Variants in EVC2 observed in about 807,000 individuals in gnomAD.
EVC2 encodes EvC ciliary complex subunit 2.
A neutral mutation model predicts 149.3 loss-of-function variants in EVC2; 148 were observed. The ratio of observed to expected loss-of-function variants is 0.99; its 90% CI spans 0.87 to 1.14. The LOEUF (loss-of-function observed/expected upper bound fraction) is 1.14, where lower values mean the gene tolerates loss of function less well. Ranked by LOEUF, EVC2 falls within the 50% of genes most tolerant of loss-of-function variation. The pLI is 0.00. For missense variants in EVC2, 1,854 were observed against 1,627.3 expected, an observed-to-expected ratio of 1.14 and a Z score of -2.40; for synonymous variants, 776 against 649.9, an observed-to-expected ratio of 1.19 and a Z score of -2.95.
At chr4:5,571,309 C>A (rs1722630575) in intron 19 of EVC2, among the ~76,000 whole-genome samples, 1 of 97,590 alleles carries the variant, frequency 1.0e-5, no homozygotes, top group South Asian at 5.1e-4. Context: ...CAGAGTGAGA[C>A]TCCATCTCAA....
intron 1 of EVC2, among the ~76,000 whole-genome samples, chr4:5,702,827 C>A (rs759715198): frequency 3.3e-5 from 5 of 152,194 alleles, no homozygotes; most frequent in African/African-American, 1.2e-4. Context: ...TGGACATCTT[C>A]ACCTCACCTG....
At position 5,584,782 on chromosome 4, in the gene EVC2, C is replaced by T. The variant is rs150055324; in HGVS notation, c.2898G>A (p.Ser966=). ...MEAQEGGFAQ[S]LVALQFQKAS... is the part of the protein sequence containing the mutation. ...CCTTCTGGAACTGCAGAGCAACAAG[C>T]GACTGTGCAAAGCCTCCCTCCTGTG... is the stretch of plus-strand genomic sequence containing the variant. Residue 966 remains serine, a synonymous_variant, in exon 17 of 22, where the codon TCG becomes TCA. Transcript: ENST00000344408. The T allele has an allele frequency of 7.5e-5, 121 of 1,614,142 alleles. No homozygotes were observed. The African/African-American group carries it at 9.5e-4, about 13-fold the overall frequency.
At chr4:5,700,841 G>A (rs540616314) in intron 1 of EVC2, among the ~76,000 whole-genome samples, 4 of 152,176 alleles carry the variant, frequency 2.6e-5, no homozygotes, top group East Asian at 1.9e-4. Context: ...CCACTCCAAC[G>A]TTCCACTTAA....
chr4:5,571,088 G>T (rs868757437), intron 19 of EVC2, among the ~76,000 whole-genome samples: 25 of 152,204 alleles, frequency 1.6e-4, no homozygotes, highest in African/African-American at 5.3e-4. Flanking sequence ...GGCTGAGGCG[G>T]GTGGACTGCC....
rs1010236684 is a variant in EVC2 at position 5,657,840 on chromosome 4, C to A, written c.1145+5267G>T. On this transcript the variant is annotated intron_variant, in intron 9 of 21. Transcript: ENST00000344408. The surrounding 1 kb of genome is among the most constrained non-coding windows in gnomAD (Gnocchi z 4.7). Reference sequence around the variant, plus strand: ...GGAGGCAGTGCTGCTGTAGGGAAGGCCCCTCACTGGCTCTGATGACTCTTC... The same window carrying A: ...GGAGGCAGTGCTGCTGTAGGGAAGGACCCTCACTGGCTCTGATGACTCTTC... Among the ~76,000 whole-genome samples, 13 of 151,974 alleles carry A rather than the reference C, an allele frequency of 8.6e-5. No homozygotes were observed. The highest frequency in any genetic ancestry group is 1.6e-4 in the Non-Finnish European group (11 of 68,008).
rs143186405 is a variant in EVC2, at chr4:5,630,844, G to A, written c.1710+949C>T. ...GCATTTCTCAAACATCTTATTGACA[G>A]TCGGAATAGAAAATTCCATAAAATA... On this transcript the variant is annotated intron_variant, in intron 11 of 21. Transcript: ENST00000344408. Among the ~76,000 whole-genome samples the A allele has an allele frequency of 2.9e-3, 436 of 152,326 alleles. 2 individuals carry two copies. The highest frequency in any genetic ancestry group is 9.7e-3 in the African/African-American group (402 of 41,564).
chr4:5,665,266 T>C (rs779009267), intron 8 of EVC2, among the ~76,000 whole-genome samples: 1 of 151,896 alleles, frequency 6.6e-6, no homozygotes, highest in Non-Finnish European at 1.5e-5. Context: ...TCTGTGATTG[T>C]GCCTAGGAAT....
chr4:5,569,823 G>A lies in EVC2; in HGVS notation c.3361-1183C>T, dbSNP rs968501000. ...TGGTAAGTGCTTTCAGTGAAGGCAC[G>A]AGGAAAGGTGCTGTTCCAAATACCA... On this transcript the variant is annotated intron_variant, in intron 19 of 21. Coordinates refer to ENST00000344408, the MANE Select transcript of EVC2 (RefSeq NM_147127.5). This position sits in a 1 kb window ranked among gnomAD's most constrained non-coding sequence, Gnocchi z 4.8. 2.0e-5 allele frequency among the ~76,000 whole-genome samples: 3 copies of A among 151,982 alleles called. No individual in the cohort carries two copies. The highest frequency in any genetic ancestry group is 4.4e-5 in the Non-Finnish European group (3 of 68,010).
chr4:5,656,409 A>C (rs1289800264), intron 9 of EVC2, among the ~76,000 whole-genome samples: 2 of 152,134 alleles, frequency 1.3e-5, no homozygotes, highest in Non-Finnish European at 2.9e-5. Flanking sequence ...ACTTCCACCC[A>C]AAGATTTCCA....
chr4:5,648,050 T>A (rs1371612164), intron 9 of EVC2, among the ~76,000 whole-genome samples: 1 of 152,176 alleles, frequency 6.6e-6, no homozygotes, highest in Non-Finnish European at 1.5e-5. Flanking sequence ...GTAACAGATG[T>A]ATACATTTTC....
chr4:5,615,446 C>T lies in EVC2; in HGVS notation c.2805G>A (p.Gln935=), dbSNP rs745801169. Residue 935 remains glutamine (Q), a synonymous_variant, in exon 16 of 22, where the codon CAG becomes CAA. Transcript: ENST00000344408. ...IEDKIHLCEE[Q]ASEDLVEKVR... is the part of the protein sequence containing the mutation. ...CCTTTTCCACCAGGTCTTCAGAGGC[C>T]TGTTCCTCACAGAGGTGAATTTTGT... is the stretch of plus-strand genomic sequence containing the variant. 1 of 1,614,202 alleles carries T rather than the reference C, an allele frequency of 6.2e-7. No homozygotes were observed. Among genetic ancestry groups the T allele is most frequent in the Non-Finnish European group, 8.5e-7 (1 of 1,180,028 alleles).
the EVC2 span, among the ~76,000 whole-genome samples, chr4:5,530,236 C>T: frequency 9.2e-3 from 1,404 of 152,280 alleles, 13 homozygotes; most frequent in African/African-American, 0.031. Flanking sequence ...CAAAATTGAG[C>T]GTAAAATCCC....
the EVC2 span, among the ~76,000 whole-genome samples, chr4:5,530,559 C>A: frequency 6.6e-6 from 1 of 152,050 alleles, no homozygotes. Context: ...CACATAAAAT[C>A]CAGTCTCTTA....
Position 5,544,685 on chromosome 4 carries a change from C to T in EVC2, c.3420-1473G>A, listed in dbSNP as rs1176851758. The stretch of plus-strand genomic sequence containing the variant: ...CACTGGATGTTCACTTTGTAAACTC[C>T]AAAAATAGAATCACAGAGAACTAAA... On this transcript the variant is annotated intron_variant and NMD_transcript_variant, in intron 21 of 22. Coordinates refer to the EVC2 transcript ENST00000475313. Among the ~76,000 whole-genome samples, 2 of 152,144 alleles carry T rather than the reference C, an allele frequency of 1.3e-5. 1 individual carries two copies. The highest frequency in any genetic ancestry group is 2.9e-5 in the Non-Finnish European group (2 of 68,038).
At chr4:5,626,946 C>T (rs576067694) in intron 12 of EVC2, among the ~76,000 whole-genome samples, 63 of 152,342 alleles carry the variant, frequency 4.1e-4, no homozygotes, top group Admixed American at 1.6e-3. Context: ...GGGTCTCCAG[C>T]TTGCAGGCAG....
chr4:5,655,734 A>C (rs1718477833), intron 9 of EVC2, among the ~76,000 whole-genome samples: 1 of 151,066 alleles, frequency 6.6e-6, no homozygotes, highest in African/African-American at 2.4e-5. Flanking sequence ...CACATGTAAA[A>C]AAAAAAAATG....
the EVC2 span, among the ~76,000 whole-genome samples, chr4:5,531,418 A>G: frequency 6.6e-6 from 1 of 152,166 alleles, no homozygotes. Flanking sequence ...CTAGGCCACA[A>G]ACCCATCCGG....
At chr4:5,666,966 C>T (rs1052993074) in intron 7 of EVC2, among the ~76,000 whole-genome samples, 3 of 152,140 alleles carry the variant, frequency 2.0e-5, no homozygotes, top group African/African-American at 7.2e-5. Context: ...GTTGATGGTG[C>T]CATTCTACTG....
At chr4:5,599,479 C>G (rs543648584) in intron 16 of EVC2, among the ~76,000 whole-genome samples, 39 of 152,120 alleles carry the variant, frequency 2.6e-4, no homozygotes, top group African/African-American at 8.4e-4. Context: ...GAACAAAAAA[C>G]CAAACACCGT....
Sources: gnomAD v4.1 joint callset for allele counts (sites outside exome capture counted in the v4.1 genomes callset) on GRCh38, gnomAD v4.1.1 for gene constraint, Gnocchi (gnomAD v3.1) non-coding constraint, MANE v1.5 for transcripts, NCBI Gene and HGNC (gene_info 2026-07-23, HGNC 2026-07-21) for gene names.